The following TBCE variants were observed in gnomAD, a reference collection of about 807,000 sequenced individuals.
TBCE encodes the protein tubulin-specific chaperone E.
A neutral mutation model predicts 77.0 loss-of-function variants in TBCE; 53 were observed. The observed-to-expected ratio is 0.69, with a 90% CI of 0.55 to 0.87. The LOEUF (loss-of-function observed/expected upper bound fraction) is 0.87, where lower values mean the gene tolerates loss of function less well. Among genes scored for constraint, TBCE ranks in the 40% least tolerant of loss-of-function variants. The pLI is 0.00. For missense variants in TBCE, 624 were observed against 622.4 expected (o/e 1.00, Z -0.03); for synonymous variants, 235 against 241.3 (o/e 0.97, Z 0.24).
Position 235,434,218 on chromosome 1 carries a change from C to T in TBCE, c.675C>T (p.Val225=), listed in dbSNP as rs777581503. The change falls in exon 8 of 17, where the codon GTC becomes GTT. Residue 225 remains valine, a synonymous_variant. Transcript: ENST00000642610. ...TTCTCTTCCAGGTGCTGCGGTGTGT[C>T]GCGGGGTGCCCAGGCCTGGAGGAAC... ...GITWAEVLRC[V]AGCPGLEELY... The T allele has an allele frequency of 2.7e-5, 43 of 1,614,066 alleles. No homozygotes were observed. Among genetic ancestry groups the T allele is most frequent in the South Asian group, 1.3e-4 (12 of 91,066 alleles).
Position 235,450,076 on chromosome 1 carries a change from G to C in TBCE, c.*1314G>C. On this transcript the variant is annotated 3_prime_UTR_variant, in exon 17 of 17. Transcript: ENST00000642610. Reference sequence around the variant, plus strand: ...TTAAGAAACACCGCATTGGTTCTGGGTGAAAGTGCCAGTCTGGAACTCTCT... The same window carrying C: ...TTAAGAAACACCGCATTGGTTCTGGCTGAAAGTGCCAGTCTGGAACTCTCT... The C allele has an allele frequency of 3.5e-6, 4 of 1,131,164 alleles. No homozygotes were observed. The highest frequency in any genetic ancestry group is 5.1e-6 in the Non-Finnish European group (4 of 789,830). 70.1% of individuals were successfully genotyped at this position (1,131,164 alleles called of 1,614,324 possible).
intron 15 of TBCE, among the ~76,000 whole-genome samples, chr1:235,447,086 A>G (rs545342937): frequency 1.5e-4 from 23 of 152,284 alleles, no homozygotes; most frequent in African/African-American, 5.3e-4. Flanking sequence ...GCCTTCAAAC[A>G]ATGAAAGCCA....
intron 2 of TBCE, among the ~76,000 whole-genome samples, chr1:235,394,542 C>T (rs1572352404): frequency 6.8e-6 from 1 of 147,100 alleles, no homozygotes; most frequent in East Asian, 2.1e-4. Context: ...GTGATTCTCT[C>T]ACCTTAGCCT....
chr1:235,427,059 C>T (rs536368423), intron 5 of TBCE, 81 bp from the exon 6 acceptor site: 4 of 976,972 alleles, frequency 4.1e-6, no homozygotes, highest in African/African-American at 1.6e-5. Flanking sequence ...TTAAAACGCT[C>T]ATGCTCTGGA....
In TBCE at chr1:235,438,814, G is replaced by T. The variant is rs757586597; in HGVS notation, c.1162G>T (p.Ala388Ser). Residue 388 changes from alanine (A) to serine (S), a missense_variant, in exon 13 of 17, where the codon GCT becomes TCT. Coordinates refer to ENST00000642610, the MANE Select transcript of TBCE (RefSeq NM_003193.5). ...GAGAGCTGAGCTTGACTACCGAAAA[G>T]CTTTTGGAAATGAGTGGAAACAGGC... Reference protein sequence around the residue: ...RRRAELDYRKAFGNEWKQAGG... With the variant: ...RRRAELDYRKSFGNEWKQAGG... 2 of 1,614,136 alleles carry T rather than the reference G, an allele frequency of 1.2e-6. No individual in the cohort carries two copies. The highest frequency in any genetic ancestry group is 1.1e-5 in the South Asian group (1 of 91,080).
chr1:235,381,750 T>C (rs962409570), intron 2 of TBCE, among the ~76,000 whole-genome samples: 89 of 151,192 alleles, frequency 5.9e-4, no homozygotes, highest in African/African-American at 1.8e-3. Flanking sequence ...TGATTATTTG[T>C]ATAAAGTGCA....
At chr1:235,397,203 T>C (rs1158805363) in intron 2 of TBCE, among the ~76,000 whole-genome samples, 72 of 144,266 alleles carry the variant, frequency 5.0e-4, no homozygotes, top group African/African-American at 1.6e-3. Flanking sequence ...TCAATCTCTT[T>C]TTTTTTTTTT....
At chr1:235,392,059 T>TG (rs2102837877) in intron 2 of TBCE, among the ~76,000 whole-genome samples, 1 of 152,222 alleles carries the variant, frequency 6.6e-6, no homozygotes, top group African/African-American at 2.4e-5. Context: ...TGGTGGCTCA[T>TG]GCCTGTAATT....
chr1:235,435,656 A>C lies in TBCE; in HGVS notation c.738-89A>C, dbSNP rs563876557. 4 of 1,280,028 alleles carry C rather than the reference A, an allele frequency of 3.1e-6. No individual in the cohort carries two copies. The South Asian group carries it at 4.8e-5, about 15-fold the overall frequency. 79.3% of individuals were successfully genotyped at this position (1,280,028 alleles called of 1,614,324 possible). On this transcript the variant is annotated intron_variant, in intron 8 of 16. Coordinates refer to ENST00000642610, the MANE Select transcript of TBCE (RefSeq NM_003193.5). ...ACTTGCTTCTTATCCCCAGCCCTCC[A>C]TCGCACCAAATGCAGGGATTTTAAG...
chr1:235,373,365 G>A (rs1288505361), intron 1 of TBCE, among the ~76,000 whole-genome samples: 9 of 151,974 alleles, frequency 5.9e-5, no homozygotes, highest in Admixed American at 5.9e-4. Flanking sequence ...AATGGCTTTG[G>A]AATTTCTTTC....
intron 2 of TBCE, among the ~76,000 whole-genome samples, chr1:235,383,962 A>G (rs919261395): frequency 2.6e-5 from 4 of 152,164 alleles, no homozygotes; most frequent in Non-Finnish European, 5.9e-5. Flanking sequence ...TTTATCATAG[A>G]TAGCTCTTAT....
intron 3 of TBCE, among the ~76,000 whole-genome samples, chr1:235,406,010 A>G (rs577783649): frequency 6.6e-6 from 1 of 152,356 alleles, no homozygotes; most frequent in African/African-American, 2.4e-5. Context: ...TGCTTACTTC[A>G]TTATATCGTC....
rs909422004 is a variant in TBCE, at chr1:235,450,213, G to A, written c.*1451G>A. 4.3e-6 allele frequency: 7 copies of A among 1,614,042 alleles called. No homozygotes were observed. Among genetic ancestry groups the A allele is most frequent in the Non-Finnish European group, 5.9e-6 (7 of 1,179,992 alleles). ...TGCTAATTCAAGTCCCTGTTATCTT[G>A]CTTGACATCGACAAGGATCACCGCA... On this transcript the variant is annotated 3_prime_UTR_variant, in exon 17 of 17. Transcript: ENST00000642610.
Position 235,386,376 on chromosome 1 carries a change from TA to T in TBCE, c.100+6229del, listed in dbSNP as rs1274492705. Among the ~76,000 whole-genome samples the T allele has an allele frequency of 7.2e-5, 11 of 152,328 alleles. No individual in the cohort carries two copies. The East Asian group carries it at 2.1e-3, about 29-fold the overall frequency. The stretch of plus-strand genomic sequence containing the variant: ...GCTAGATTGGGGAAGTTCTCCTGGA[TA>T]ATATCCTGCAGAGTGTTTTCCAACT... On this transcript the variant is annotated intron_variant, in intron 2 of 16. Coordinates refer to ENST00000642610, the MANE Select transcript of TBCE (RefSeq NM_003193.5).
At chr1:235,401,020 A>G (rs1572365215) in intron 2 of TBCE, among the ~76,000 whole-genome samples, 1 of 147,416 alleles carries the variant, frequency 6.8e-6, no homozygotes. Flanking sequence ...TTTTTTTTTA[A>G]TTTTTATTGT....
chr1:235,395,192 T>A (rs1678649703), intron 2 of TBCE, among the ~76,000 whole-genome samples: 2 of 152,164 alleles, frequency 1.3e-5, no homozygotes, highest in African/African-American at 4.8e-5. Context: ...CCAAGGAGGA[T>A]GATTTCTGGA....
chr1:235,371,206 G>A (rs1230753973), intron 1 of TBCE, among the ~76,000 whole-genome samples: 3 of 150,822 alleles, frequency 2.0e-5, no homozygotes, highest in Admixed American at 6.6e-5. Flanking sequence ...ACAGGCATGC[G>A]CCACCATACC....
intron 15 of TBCE, among the ~76,000 whole-genome samples, chr1:235,447,078 C>T (rs533466620): frequency 1.3e-5 from 2 of 152,292 alleles, no homozygotes; most frequent in East Asian, 3.9e-4. Flanking sequence ...TCTCACCAGC[C>T]TTCAAACAAT....
At chr1:235,437,276 G>T (rs1681523421) in intron 11 of TBCE, 46 bp from the exon 12 acceptor site, 7 of 1,613,164 alleles carry the variant, frequency 4.3e-6, no homozygotes, top group Middle Eastern at 1.7e-4. Context: ...TGCAAAAGTG[G>T]CATGAACGTA....
Sources: allele counts gnomAD v4.1 joint callset (sites outside exome capture counted in the v4.1 genomes callset), GRCh38; gene constraint gnomAD v4.1.1; transcripts MANE v1.5; gene names NCBI Gene and HGNC (gene_info 2026-07-23, HGNC 2026-07-21).